CNTFR: variants seen among roughly 807,000 people sequenced by gnomAD.
CNTFR encodes the protein ciliary neurotrophic factor receptor.
CNTFR carries 12 observed loss-of-function variants against 40.4 expected under a neutral mutation model. The observed-to-expected ratio is 0.30, with a 90% CI of 0.19 to 0.48. The LOEUF (loss-of-function observed/expected upper bound fraction) is 0.48. CNTFR is among the 20% of genes least tolerant of loss of function. The pLI is 0.99. For synonymous variants in CNTFR, 202 were observed against 209.6 expected (o/e 0.96, Z 0.31); for missense variants, 414 against 506.8 (o/e 0.82, Z 1.76).
In CNTFR at chr9:34,557,935, C is replaced by A; in HGVS notation, c.369G>T (p.Lys123Asn). 6.4e-7 allele frequency: 1 copy of A among 1,573,674 alleles called. No individual in the cohort carries two copies. Among genetic ancestry groups the A allele is most frequent in the South Asian group, 1.2e-5 (1 of 83,738 alleles). ...VLSCRSNTYP[K>N]GFYCSWHLPT... ...GCAGATGCCAGCTGCAGTAGAAGCC[C>A]TTGGGGTAAGTGTTGGAGCGGCAGC... Residue 123 changes from lysine to asparagine, a missense_variant, in exon 5 of 10, where the codon AAG (lysine) becomes AAT (asparagine). By Grantham distance (94) the Lys-to-Asn change is moderately conservative. Around this residue, in one of 3 missense-constraint regions of CNTFR, gnomAD observed 250 missense variants for 269.5 expected, o/e 0.93. Transcript: ENST00000378980. The surrounding 1 kb of genome is among the most constrained non-coding windows in gnomAD (Gnocchi z 4.2).
rs765334248 is a variant in CNTFR at position 34,557,509 on chromosome 9, C to G, written c.604+17G>C. ...CCACTGGAGTAGGCAGCAGGTCCCC[C>G]CAACCGCCACACGTACCAATGGTGA... is the stretch of plus-strand genomic sequence containing the variant. On this transcript the variant is annotated intron_variant, in intron 6 of 9. Transcript: ENST00000378980. This position sits in a 1 kb window ranked among gnomAD's most constrained non-coding sequence, Gnocchi z 4.2. The G allele has an allele frequency of 6.2e-7, 1 of 1,608,360 alleles. No homozygotes were observed. The highest frequency in any genetic ancestry group is 1.1e-5 in the South Asian group (1 of 90,902).
Position 34,574,676 on chromosome 9 carries a change from T to C in CNTFR, c.1-5695A>G, listed in dbSNP as rs992558142. ...CAATTGAGTGAGTTGGGGGGGTTGGTATCCGCACCTGCTGTTGTGACCTCC... is the reference window on the plus strand; with the variant it reads ...CAATTGAGTGAGTTGGGGGGGTTGGCATCCGCACCTGCTGTTGTGACCTCC... On this transcript the variant is annotated intron_variant, in intron 2 of 9. Transcript: ENST00000378980. Among the ~76,000 whole-genome samples, 4 of 152,364 alleles carry C rather than the reference T, an allele frequency of 2.6e-5. No individual in the cohort carries two copies. The East Asian group carries it at 5.8e-4, about 22-fold the overall frequency.
intron 6 of CNTFR, 69 bp from the exon 7 acceptor site, chr9:34,556,487 ACCATGTTGACC>A: frequency 6.9e-7 from 1 of 1,454,172 alleles, no homozygotes; most frequent in Non-Finnish European, 9.3e-7. Flanking sequence ...AACTCCAGCC[ACCATGTTGACC>A]CTCTCATATT....
At position 34,552,213 on chromosome 9, in the gene CNTFR, T is replaced by C; in HGVS notation, c.1066A>G (p.Ile356Val). Residue 356 changes from isoleucine to valine, a missense_variant, in exon 9 of 10, where the codon ATC becomes GTC. Physicochemically the swap from Ile to Val is conservative, Grantham distance 29. This residue lies in a region of CNTFR where 81 missense variants were observed against 92.2 expected (regional missense o/e 0.88). Coordinates refer to ENST00000378980, the MANE Select transcript of CNTFR (RefSeq NM_147164.3). The surrounding 1 kb of genome is among the most constrained non-coding windows in gnomAD (Gnocchi z 5.1). ...GCAGCGGCAGCCAGGGCCAGAGTGA[T>C]GGGGACGCTGACCAAGAAGGGTGCC... is the stretch of plus-strand genomic sequence containing the variant. ...PSAPFLVSVP[I>V]TLALAAAAAT... is the part of the protein sequence containing the mutation. 1.3e-6 allele frequency: 2 copies of C among 1,578,230 alleles called. No individual in the cohort carries two copies. Among genetic ancestry groups the C allele is most frequent in the Middle Eastern group, 1.7e-4 (1 of 5,742 alleles).
Position 34,552,948 on chromosome 9 carries a change from G to T in CNTFR, c.769-94C>A. 1 of 1,234,244 alleles carries T rather than the reference G, an allele frequency of 8.1e-7. No individual in the cohort carries two copies. The highest frequency in any genetic ancestry group is 1.1e-6 in the Non-Finnish European group (1 of 873,292). The allele number at this position is 1,234,244 out of a possible 1,614,324, so 76.5% of individuals were successfully genotyped here. A position where few individuals can be genotyped will look rare whatever the true frequency, so the allele number is the denominator to read the frequency against. ...GAAGTGAGCATGCCTCTGAGGAGAG[G>T]AGAGTAAAGGGCTCTGGGGGCAGTG... On this transcript the variant is annotated intron_variant, in intron 7 of 9. Coordinates refer to ENST00000378980, the MANE Select transcript of CNTFR (RefSeq NM_147164.3). The surrounding 1 kb of genome is among the most constrained non-coding windows in gnomAD (Gnocchi z 5.1).
intron 2 of CNTFR, among the ~76,000 whole-genome samples, chr9:34,569,334 T>C (rs1211479314): frequency 2.0e-5 from 3 of 152,322 alleles, no homozygotes; most frequent in Admixed American, 6.5e-5. Context: ...TGCTGTTCGA[T>C]AAGACTAGTG....
chr9:34,579,368 G>A (rs1436693471), intron 2 of CNTFR, among the ~76,000 whole-genome samples: 2 of 152,074 alleles, frequency 1.3e-5, no homozygotes, highest in African/African-American at 4.8e-5. Context: ...GCAGCGTTGG[G>A]CGTTTTAAAT....
intron 1 of CNTFR, among the ~76,000 whole-genome samples, chr9:34,584,408 TGTTTCTTC>T (rs2132264390): frequency 6.6e-6 from 1 of 152,358 alleles, no homozygotes; most frequent in East Asian, 1.9e-4. Flanking sequence ...GTTGGATGTG[TGTTTCTTC>T]CTCTCTGTCT....
At chr9:34,571,922 A>G (rs965758735) in intron 2 of CNTFR, among the ~76,000 whole-genome samples, 1 of 152,074 alleles carries the variant, frequency 6.6e-6, no homozygotes, top group Admixed American at 6.5e-5. Flanking sequence ...GGAGATGGGC[A>G]GAGACTCAAG....
In CNTFR at chr9:34,552,649, G is replaced by A; in HGVS notation, c.949+25C>T. ...CAGGCCTCCAGGACAGCAAAGCCAG[G>A]AGGTAGGGGCGGGAGCAAGCTCACC... On this transcript the variant is annotated intron_variant, in intron 8 of 9. Transcript: ENST00000378980. This position sits in a 1 kb window ranked among gnomAD's most constrained non-coding sequence, Gnocchi z 5.1. 1 of 1,608,630 alleles carries A rather than the reference G, an allele frequency of 6.2e-7. No homozygotes were observed. Among genetic ancestry groups the A allele is most frequent in the Non-Finnish European group, 8.5e-7 (1 of 1,178,730 alleles).
intron 2 of CNTFR, among the ~76,000 whole-genome samples, chr9:34,573,133 C>T (rs1826761562): frequency 5.5e-5 from 2 of 36,216 alleles, no homozygotes; most frequent in Non-Finnish European, 1.1e-4. Flanking sequence ...TCTTGCCAGT[C>T]CCAGCAATGT....
At position 34,556,249 on chromosome 9, in the gene CNTFR, A is replaced by G. The variant is rs755031001; in HGVS notation, c.768+6T>C. The G allele has an allele frequency of 2.5e-6, 4 of 1,608,424 alleles. No individual in the cohort carries two copies. The highest frequency in any genetic ancestry group is 1.3e-5 in the African/African-American group (1 of 74,842). ...ACCCAGGATCTTGGCCGGGCAGGGC[A>G]CTCACATGCTGCCACTGGTCCAGGA... On this transcript the variant is annotated splice_donor_region_variant and intron_variant, in intron 7 of 9. Coordinates refer to ENST00000378980, the MANE Select transcript of CNTFR (RefSeq NM_147164.3).
chr9:34,578,643 C>A (rs997748561), intron 2 of CNTFR, among the ~76,000 whole-genome samples: 5 of 152,252 alleles, frequency 3.3e-5, no homozygotes, highest in Non-Finnish European at 7.3e-5. Context: ...CACTTTCCCA[C>A]ATTTTTTAGG....
chr9:34,581,469 T>C (rs899225807), intron 1 of CNTFR, among the ~76,000 whole-genome samples: 26 of 152,126 alleles, frequency 1.7e-4, no homozygotes, highest in Middle Eastern at 6.8e-3. Flanking sequence ...CCACAGACAA[T>C]CCACAATTCT....
In CNTFR at chr9:34,589,362, C is replaced by T. The variant is rs910766482; in HGVS notation, c.-112+193G>A. Among the ~76,000 whole-genome samples the T allele has an allele frequency of 1.3e-5, 2 of 152,064 alleles. No homozygotes were observed. The highest frequency in any genetic ancestry group is 2.4e-5 in the African/African-American group (1 of 41,424). On this transcript the variant is annotated intron_variant, in intron 1 of 9. Transcript: ENST00000378980. This position sits in a 1 kb window ranked among gnomAD's most constrained non-coding sequence, Gnocchi z 4.4. ...ACGCCCAACCCCCGGAGCGCCCGGA[C>T]GTGGGGGGCCGCTCCTCCAGCGCCC...
intron 2 of CNTFR, among the ~76,000 whole-genome samples, chr9:34,576,957 G>A (rs1826999474): frequency 1.3e-5 from 2 of 152,216 alleles, no homozygotes; most frequent in Admixed American, 6.5e-5. Context: ...GGAAGGAGAT[G>A]AGACCTCCAC....
At chr9:34,584,140 G>C (rs1827445984) in intron 1 of CNTFR, among the ~76,000 whole-genome samples, 1 of 152,134 alleles carries the variant, frequency 6.6e-6, no homozygotes, top group Non-Finnish European at 1.5e-5. Context: ...TCCTGAAGCT[G>C]GTCTTGAAAT....
intron 4 of CNTFR, among the ~76,000 whole-genome samples, chr9:34,560,861 C>T (rs564618038): frequency 1.2e-4 from 19 of 152,222 alleles, no homozygotes; most frequent in Non-Finnish European, 2.1e-4. Flanking sequence ...TGTTTGTTTT[C>T]CTCCTAATTG....
chr9:34,564,268 C>T (rs1171679027), intron 4 of CNTFR, among the ~76,000 whole-genome samples: 1 of 152,200 alleles, frequency 6.6e-6, no homozygotes, highest in African/African-American at 2.4e-5. Context: ...AGCTCAGATC[C>T]GTGACCTGAG....
Sources: gnomAD v4.1 joint callset for allele counts (sites outside exome capture counted in the v4.1 genomes callset) on GRCh38, gnomAD v4.1.1 for gene constraint, gnomAD v4.1.1 regional missense constraint, Gnocchi (gnomAD v3.1) non-coding constraint, MANE v1.5 for transcripts, NCBI Gene and HGNC (gene_info 2026-07-23, HGNC 2026-07-21) for gene names.